ATR: variants seen among roughly 807,000 people sequenced by gnomAD.
ATR encodes the protein serine/threonine-protein kinase ATR.
Under a neutral mutation model 305.3 loss-of-function variants are expected in ATR, and 142 were observed. The observed-to-expected ratio is 0.47, with a 90% confidence interval of 0.41 to 0.53. The LOEUF (loss-of-function observed/expected upper bound fraction) is 0.53, where lower values mean the gene tolerates loss of function less well. ATR is among the 20% of genes least tolerant of loss of function. The pLI is 0.00. For missense variants in ATR, 2,135 were observed against 3,133.1 expected (o/e 0.68, Z 7.60); for synonymous variants, 1,050 against 1,068.1 (o/e 0.98, Z 0.33).
chr3:142,475,464 A>T (rs1476170519), intron 36 of ATR, among the ~76,000 whole-genome samples: 1 of 152,180 alleles, frequency 6.6e-6, no homozygotes, highest in African/African-American at 2.4e-5. Context: ...TCCATGGGGT[A>T]TATGTGCCAC....
chr3:142,555,015 T>C (rs1398105226), intron 10 of ATR, among the ~76,000 whole-genome samples: 5 of 151,398 alleles, frequency 3.3e-5, no homozygotes, highest in African/African-American at 1.2e-4. Flanking sequence ...GTGGGTAGAT[T>C]ACCTGAGGTC....
At chr3:142,466,190 A>T in intron 40 of ATR, 134 bp downstream of exon 40, 1 of 1,047,328 alleles carries the variant, frequency 9.5e-7, no homozygotes, top group Non-Finnish European at 1.4e-6. Flanking sequence ...GTTTAGTTTT[A>T]CTCTTCTGTA....
chr3:142,525,466 G>A (rs566048743), intron 21 of ATR, among the ~76,000 whole-genome samples: 2 of 151,916 alleles, frequency 1.3e-5, no homozygotes, highest in East Asian at 3.9e-4. Context: ...CATTGGGATT[G>A]CATTCCATTA....
chr3:142,493,899 G>A (rs1009393864), intron 34 of ATR, among the ~76,000 whole-genome samples: 2 of 150,812 alleles, frequency 1.3e-5, no homozygotes, highest in Admixed American at 1.3e-4. Context: ...AGGCATGATG[G>A]CTTATGCTTA....
intron 29 of ATR, 133 bp downstream of exon 29, chr3:142,505,006 T>C (rs2032165249): frequency 1.8e-6 from 2 of 1,098,976 alleles, no homozygotes; most frequent in Admixed American, 4.1e-5. Context: ...ATCATGCCAC[T>C]GCACTCCAGC....
intron 3 of ATR, among the ~76,000 whole-genome samples, chr3:142,563,820 A>G (rs2034967845): frequency 6.6e-6 from 1 of 152,224 alleles, no homozygotes; most frequent in Non-Finnish European, 1.5e-5. Flanking sequence ...TAAAACAAAG[A>G]AAAAGTTTTT....
chr3:142,555,726 A>T (rs1025790200), intron 10 of ATR, 151 bp downstream of exon 10: 14 of 975,204 alleles, frequency 1.4e-5, no homozygotes, highest in Non-Finnish European at 2.0e-5. Flanking sequence ...AATACCAGTT[A>T]TCCCATTTAT....
intron 36 of ATR, among the ~76,000 whole-genome samples, chr3:142,474,787 G>A (rs2071393045): frequency 6.6e-6 from 1 of 152,100 alleles, no homozygotes; most frequent in Non-Finnish European, 1.5e-5. Flanking sequence ...GCAAGAGTGG[G>A]CATCTTTGTC....
At chr3:142,549,967 G>C (rs1419393101) in intron 14 of ATR, among the ~76,000 whole-genome samples, 165 bp downstream of exon 14, 1 of 152,168 alleles carries the variant, frequency 6.6e-6, no homozygotes, top group East Asian at 1.9e-4. Flanking sequence ...TATTCAATTA[G>C]TATTAACTTT....
intron 6 of ATR, among the ~76,000 whole-genome samples, chr3:142,559,988 C>CA (rs1265021221): frequency 6.6e-6 from 1 of 151,978 alleles, no homozygotes; most frequent in African/African-American, 2.4e-5. Flanking sequence ...TGGCTTCAGA[C>CA]AAAAAAGAGC....
rs1296922048 is a variant in ATR, at chr3:142,561,875, A to C, written c.1170+357T>G. ...ATTAATCATTCATAGGTTTTCTAAA[A>C]GTGATTGATTATAACTTGTCAGACA... On this transcript the variant is annotated intron_variant, in intron 4 of 46. Transcript: ENST00000350721. 7.2e-5 allele frequency among the ~76,000 whole-genome samples: 11 copies of C among 152,352 alleles called. No homozygotes were observed. In the East Asian group the frequency reaches 9.6e-4, roughly 13 times the overall value.
At chr3:142,473,498 T>C (rs944428230) in intron 36 of ATR, among the ~76,000 whole-genome samples, 2 of 152,112 alleles carry the variant, frequency 1.3e-5, no homozygotes, top group Non-Finnish European at 2.9e-5. Context: ...TTATTATAGC[T>C]TTGTGGTATA....
chr3:142,460,090 T>A (rs1227662401), intron 42 of ATR, among the ~76,000 whole-genome samples: 1 of 152,154 alleles, frequency 6.6e-6, no homozygotes, highest in Non-Finnish European at 1.5e-5. Flanking sequence ...TTCTTTGAAC[T>A]CTGACTCAAG....
intron 46 of ATR, chr3:142,450,434 T>C (rs1347448205): frequency 5.6e-6 from 9 of 1,597,568 alleles, no homozygotes; most frequent in Non-Finnish European, 6.8e-6. Context: ...TTTAGCTCAT[T>C]GAGACTACAT....
chr3:142,505,091 C>T (rs2108354738), intron 29 of ATR, 48 bp downstream of exon 29: 1 of 1,603,800 alleles, frequency 6.2e-7, no homozygotes, highest in South Asian at 1.1e-5. Context: ...TCCAGAGTTC[C>T]TATTCAGGGC....
At chr3:142,519,819 G>A in intron 23 of ATR, 35 bp from the exon 24 acceptor site, 2 of 1,422,820 alleles carry the variant, frequency 1.4e-6, no homozygotes, top group African/African-American at 1.4e-5. Flanking sequence ...TAAGTCCACA[G>A]TGAAGCAGAT....
At chr3:142,568,630 A>G (rs1232884779) in intron 1 of ATR, among the ~76,000 whole-genome samples, 3 of 152,314 alleles carry the variant, frequency 2.0e-5, no homozygotes. Context: ...TCCTGGGTGC[A>G]GCTGCAGCCG....
intron 36 of ATR, among the ~76,000 whole-genome samples, chr3:142,475,913 G>C (rs10935464): frequency 0.13 from 20,195 of 152,162 alleles, 1,411 homozygotes; most frequent in Non-Finnish European, 0.16. Flanking sequence ...AGAAGTGTCT[G>C]TTATATCCTT....
chr3:142,492,429 C>T (rs997069104), intron 35 of ATR, among the ~76,000 whole-genome samples: 5 of 152,162 alleles, frequency 3.3e-5, no homozygotes, highest in Non-Finnish European at 7.3e-5. Flanking sequence ...TGGTATTCAG[C>T]GAACACAATT....
Sources: gnomAD v4.1 joint callset for allele counts (sites outside exome capture counted in the v4.1 genomes callset) on GRCh38, gnomAD v4.1.1 for gene constraint, MANE v1.5 for transcripts, NCBI Gene and HGNC (gene_info 2026-07-23, HGNC 2026-07-21) for gene names.